The following SYN3 variants were observed in gnomAD, a reference collection of about 807,000 sequenced individuals.
SYN3 encodes synapsin-3.
In SYN3, 35 loss-of-function variants were observed where a neutral mutation model predicts 65.8. That is an observed-to-expected ratio of 0.53 (90% CI 0.41 to 0.70). The LOEUF (loss-of-function observed/expected upper bound fraction) is 0.70. Among genes scored for constraint, SYN3 ranks in the 30% least tolerant of loss-of-function variants. The pLI, the probability that SYN3 is intolerant of heterozygous loss-of-function variation, is 0.00. For missense variants in SYN3, 680 were observed against 749.0 expected (o/e 0.91, Z 1.08); for synonymous variants, 270 against 292.9 (o/e 0.92, Z 0.80).
At chr22:32,591,051 C>T (rs1056540656) in intron 7 of SYN3, among the ~76,000 whole-genome samples, 1 of 152,188 alleles carries the variant, frequency 6.6e-6, no homozygotes, top group Non-Finnish European at 1.5e-5. Flanking sequence ...TTAATCCTCA[C>T]AACCAGCTTA....
chr22:32,803,220 C>T (rs935817963), intron 6 of SYN3, among the ~76,000 whole-genome samples: 7 of 151,808 alleles, frequency 4.6e-5, no homozygotes, highest in Admixed American at 2.0e-4. Context: ...CTGCCTGTGT[C>T]GATTCAGAGG....
intron 4 of SYN3, among the ~76,000 whole-genome samples, chr22:32,923,216 C>T (rs1452833192): frequency 2.0e-5 from 3 of 152,110 alleles, no homozygotes; most frequent in Non-Finnish European, 4.4e-5. Flanking sequence ...GCCTAAGAAC[C>T]AGGAGCGTTG....
intron 6 of SYN3, among the ~76,000 whole-genome samples, chr22:32,686,686 C>T (rs2060594175): frequency 1.5e-5 from 2 of 136,166 alleles, no homozygotes; most frequent in Non-Finnish European, 1.6e-5. Flanking sequence ...AACCTCCACT[C>T]CCGGGTTCAA....
chr22:32,948,888 AAAG>A (rs1481610266), intron 3 of SYN3, among the ~76,000 whole-genome samples: 7,824 of 151,038 alleles, frequency 0.052, 651 homozygotes, highest in African/African-American at 0.18. Flanking sequence ...AAAAAAAAAA[AAAG>A]AAAGAAAGAA....
chr22:32,549,956 A>C (rs1469774702), intron 7 of SYN3, among the ~76,000 whole-genome samples: 3 of 152,134 alleles, frequency 2.0e-5, no homozygotes, highest in African/African-American at 7.2e-5. Flanking sequence ...GAGGGAAGGG[A>C]AGCGGGAGGT....
intron 7 of SYN3, among the ~76,000 whole-genome samples, chr22:32,550,951 A>C (rs1173156165): frequency 1.3e-5 from 2 of 152,258 alleles, no homozygotes; most frequent in Non-Finnish European, 2.9e-5. Flanking sequence ...ATCAGAAAGA[A>C]TAGTGACTTC....
At chr22:32,987,505 G>A (rs241714) in intron 2 of SYN3, among the ~76,000 whole-genome samples, 1 of 151,900 alleles carries the variant, frequency 6.6e-6, no homozygotes, top group East Asian at 1.9e-4. Flanking sequence ...CCCCTCAACC[G>A]CAAACAATGG....
chr22:32,782,316 C>T (rs130545), intron 6 of SYN3, among the ~76,000 whole-genome samples: 140,362 of 151,728 alleles, frequency 0.93, 65,016 homozygotes, highest in East Asian at 0.96. Context: ...GATCCACCCA[C>T]CTTGGCCTCC....
At chr22:32,761,580 A>G (rs2045481651) in intron 6 of SYN3, among the ~76,000 whole-genome samples, 1 of 152,138 alleles carries the variant, frequency 6.6e-6, no homozygotes, top group South Asian at 2.1e-4. Context: ...CACCTCTTGA[A>G]GGCAGTGGGG....
Position 32,541,561 on chromosome 22 carries a change from A to G in SYN3, c.917+10T>C, listed in dbSNP as rs2058254814. Reference sequence around the variant, plus strand: ...CCCACACTCCCCCAGCCCCTGCCCCAGAGACTCACATGTAAGCCTTGTAGT... The same window carrying G: ...CCCACACTCCCCCAGCCCCTGCCCCGGAGACTCACATGTAAGCCTTGTAGT... On this transcript the variant is annotated intron_variant, in intron 8 of 13. Transcript: ENST00000358763. 2.5e-6 allele frequency: 4 copies of G among 1,613,934 alleles called. No homozygotes were observed. The highest frequency in any genetic ancestry group is 2.5e-6 in the Non-Finnish European group (3 of 1,179,884).
chr22:32,889,430 A>G (rs145242874), intron 4 of SYN3, among the ~76,000 whole-genome samples: 9 of 145,858 alleles, frequency 6.2e-5, no homozygotes, highest in African/African-American at 2.0e-4. Context: ...AAAAAAAAAA[A>G]CAAAAAACCT....
chr22:33,025,986 G>A (rs2053636284), intron 1 of SYN3, among the ~76,000 whole-genome samples: 1 of 152,164 alleles, frequency 6.6e-6, no homozygotes, highest in South Asian at 2.1e-4. Context: ...TCACTGCCAT[G>A]AGAAAAGCAT....
At position 32,972,148 on chromosome 22, in the gene SYN3, C is replaced by T. The variant is rs182243940; in HGVS notation, c.369+8497G>A. ...TCAATGTGCATTACAGCATCCACCACCTGCAATGCTTTTGGAACAAGTTAT... is the reference window on the plus strand; with the variant it reads ...TCAATGTGCATTACAGCATCCACCATCTGCAATGCTTTTGGAACAAGTTAT... On this transcript the variant is annotated intron_variant, in intron 3 of 13. Transcript: ENST00000358763. Among the ~76,000 whole-genome samples the T allele has an allele frequency of 2.7e-3, 417 of 152,302 alleles. 3 individuals are homozygous for T. The highest frequency in any genetic ancestry group is 9.0e-3 in the Admixed American group (137 of 15,304).
intron 6 of SYN3, among the ~76,000 whole-genome samples, chr22:32,811,129 G>T (rs959659473): frequency 6.6e-6 from 1 of 152,090 alleles, no homozygotes; most frequent in African/African-American, 2.4e-5. Flanking sequence ...GTAAGGCTTG[G>T]TTATGTTAGG....
At position 33,034,193 on chromosome 22, in the gene SYN3, A is replaced by AAAC. The variant is rs1556213766; in HGVS notation, c.-163+24098_-163+24099insGTT. ...AGAGCAAGACTCTGTGTTAAAAAAAAACACACACACACAATTAAAAGACAA... is the reference window on the plus strand; with the variant it reads ...AGAGCAAGACTCTGTGTTAAAAAAAAAACACACACACACACAATTAAAAGACAA... On this transcript the variant is annotated intron_variant, in intron 1 of 13. Transcript: ENST00000358763. Among the ~76,000 whole-genome samples the AAAC allele has an allele frequency of 5.6e-3, 840 of 151,238 alleles. 9 individuals carry two copies. Among genetic ancestry groups the AAAC allele is most frequent in the African/African-American group, 0.019 (801 of 41,216 alleles).
chr22:32,706,564 G>GCCT (rs2060883281), intron 6 of SYN3, among the ~76,000 whole-genome samples: 1 of 152,210 alleles, frequency 6.6e-6, no homozygotes, highest in African/African-American at 2.4e-5. Flanking sequence ...AATGTTAACA[G>GCCT]GAATTCTTCA....
intron 3 of SYN3, among the ~76,000 whole-genome samples, chr22:32,975,656 T>C (rs1402750659): frequency 1.3e-5 from 2 of 152,218 alleles, no homozygotes; most frequent in African/African-American, 4.8e-5. Context: ...CTTTATATTG[T>C]ATTCCTATTC....
intron 6 of SYN3, among the ~76,000 whole-genome samples, chr22:32,644,192 C>T (rs141257787): frequency 2.0e-5 from 3 of 149,600 alleles, no homozygotes; most frequent in Admixed American, 6.7e-5. Flanking sequence ...ATACTGAATA[C>T]CCACTGAGTG....
chr22:32,889,393 C>A (rs1488568942), intron 4 of SYN3, among the ~76,000 whole-genome samples: 1 of 146,026 alleles, frequency 6.8e-6, no homozygotes, highest in African/African-American at 2.6e-5. Flanking sequence ...ATGAGCTTCT[C>A]AGGGCCCAAG....
Sources: allele counts gnomAD v4.1 joint callset (sites outside exome capture counted in the v4.1 genomes callset), GRCh38; gene constraint gnomAD v4.1.1; transcripts MANE v1.5; gene names NCBI Gene and HGNC (gene_info 2026-07-23, HGNC 2026-07-21).